The following RECQL4 variants were observed in gnomAD, a reference collection of about 807,000 sequenced individuals.
The protein encoded by RECQL4 is RecQ like helicase 4.
A neutral mutation model predicts 128.6 loss-of-function variants in RECQL4; 158 were observed. That is an observed-to-expected ratio of 1.23 (90% CI 1.08 to 1.40). RECQL4 has a LOEUF of 1.40. Among genes scored for constraint, RECQL4 ranks in the 40% most tolerant of loss-of-function variants. RECQL4 has a pLI of 0.00. For synonymous variants in RECQL4, 996 were observed against 678.9 expected (o/e 1.47, Z -7.26); for missense variants, 2,293 against 1,649.8 (o/e 1.39, Z -6.75).
At position 144,511,678 on chromosome 8, in the gene RECQL4, C is replaced by T. The variant is rs751909716; in HGVS notation, c.3502+3G>A. ...GCAGCGGGTGGGGCCTCCCAGGCCTCACCGATGCCGTGGAAGATGCGGGCC... is the reference window on the plus strand; with the variant it reads ...GCAGCGGGTGGGGCCTCCCAGGCCTTACCGATGCCGTGGAAGATGCGGGCC... On this transcript the variant is annotated splice_donor_region_variant and intron_variant, in intron 20 of 20. Transcript: ENST00000617875. The T allele has an allele frequency of 2.5e-6, 4 of 1,612,258 alleles. No homozygotes were observed. The African/African-American group carries it at 4.0e-5, about 16-fold the overall frequency.
In RECQL4 at chr8:144,516,675, G is replaced by A. The variant is rs559167672; in HGVS notation, c.444C>T (p.Val148=). 190 of 1,591,116 alleles carry A rather than the reference G, an allele frequency of 1.2e-4. 1 individual carries two copies. Among genetic ancestry groups the A allele is most frequent in the South Asian group, 1.0e-3 (88 of 87,738 alleles). ...STPKPPGTGP[V]PSFAEKVSDE... ...CACTGACTTTTTCTGCAAAGGAGGGGACAGGCCCTGTACCTGGGGGCTTTG... is the reference window on the plus strand; with the variant it reads ...CACTGACTTTTTCTGCAAAGGAGGGAACAGGCCCTGTACCTGGGGGCTTTG... Residue 148 remains valine, a synonymous_variant, in exon 5 of 21, where the codon GTC becomes GTT. Coordinates refer to ENST00000617875, the MANE Select transcript of RECQL4 (RefSeq NM_004260.4).
In RECQL4 at chr8:144,516,016, G is replaced by A. The variant is rs1564805178; in HGVS notation, c.1103C>T (p.Ala368Val). ...CTTGCGGAGGAGCCTGCTACGGAGT[G>A]CCCGGCCCCGCACGTAGTGTTTCTG... is the stretch of plus-strand genomic sequence containing the variant. ...MKQKHYVRGR[A>V]LRSRLLRKQA... is the part of the protein sequence containing the mutation. Residue 368 changes from alanine to valine, a missense_variant, in exon 5 of 21, where the codon GCA (alanine) becomes GTA (valine). Coordinates refer to ENST00000617875, the MANE Select transcript of RECQL4 (RefSeq NM_004260.4). 1.2e-6 allele frequency: 2 copies of A among 1,610,334 alleles called. No individual in the cohort carries two copies. Among genetic ancestry groups the A allele is most frequent in the Non-Finnish European group, 8.5e-7 (1 of 1,177,968 alleles).
At chr8:144,515,737 A>G (rs2130711580) in intron 6 of RECQL4, 27 bp downstream of exon 6, 2 of 1,610,196 alleles carry the variant, frequency 1.2e-6, no homozygotes, top group South Asian at 1.1e-5. Context: ...TGTTGGCCGG[A>G]CCCACCCTCC....
At chr8:144,512,349 G>A (rs903820228) in intron 17 of RECQL4, 25 bp from the exon 18 acceptor site, 5 of 1,611,222 alleles carry the variant, frequency 3.1e-6, no homozygotes, top group East Asian at 2.2e-5. Context: ...GTCAGATGCA[G>A]GCAGGCAGCG....
In RECQL4 at chr8:144,511,558, A is replaced by ACGGTGGAGCCAAGACACAGC. The variant is rs1287981034; in HGVS notation, c.3503-23_3503-4dup. On this transcript the variant is annotated splice_polypyrimidine_tract_variant and splice_region_variant and intron_variant, in intron 20 of 20. Coordinates refer to ENST00000617875, the MANE Select transcript of RECQL4 (RefSeq NM_004260.4). The stretch of plus-strand genomic sequence containing the variant: ...CTGGGCCGGGTAGCAGGGGCTTCCT[A>ACGGTGGAGCCAAGACACAGC]CGGTGGAGCCAAGACACAGCCGTGA... 16 of 1,611,854 alleles carry ACGGTGGAGCCAAGACACAGC rather than the reference A, an allele frequency of 9.9e-6. No homozygotes were observed. The highest frequency in any genetic ancestry group is 1.4e-5 in the Non-Finnish European group (16 of 1,179,368).
Position 144,515,989 on chromosome 8 carries a change from T to G in RECQL4, c.1130A>C (p.Gln377Pro). ...TGTCCTGGCCCGTCGCTGTCTTACC[T>G]GCTTGCGGAGGAGCCTGCTACGGAG... ...RALRSRLLRK[Q>P]AWKQKWRKKG... Residue 377 changes from glutamine (Q) to proline (P), a missense_variant and splice_region_variant, in exon 5 of 21, where the codon CAG (glutamine) becomes CCG (proline). Gln to Pro is a moderately conservative substitution (Grantham distance 76). Transcript: ENST00000617875. 1 of 1,609,634 alleles carries G rather than the reference T, an allele frequency of 6.2e-7. No individual in the cohort carries two copies. Among genetic ancestry groups the G allele is most frequent in the Non-Finnish European group, 8.5e-7 (1 of 1,177,334 alleles).
Position 144,512,297 on chromosome 8 carries a change from A to G in RECQL4, c.3083T>C (p.Val1028Ala), listed in dbSNP as rs952414985. Reference protein sequence around the residue: ...TGVRRGTGVLVEFSELAFHLR... With the variant: ...TGVRRGTGVLAEFSELAFHLR... ...GTGGAAGGCCAGCTCACTGAACTCCACAAGCACCCCTGTCCCACGCCGCAC... is the reference window on the plus strand; with the variant it reads ...GTGGAAGGCCAGCTCACTGAACTCCGCAAGCACCCCTGTCCCACGCCGCAC... Residue 1028 changes from valine to alanine, a missense_variant, in exon 18 of 21, where the codon GTG (valine) becomes GCG (alanine). Coordinates refer to ENST00000617875, the MANE Select transcript of RECQL4 (RefSeq NM_004260.4). The G allele has an allele frequency of 5.6e-6, 9 of 1,612,486 alleles. No homozygotes were observed. Among genetic ancestry groups the G allele is most frequent in the African/African-American group, 1.3e-5 (1 of 75,056 alleles).
rs747019774 is a variant in RECQL4 at position 144,514,994 on chromosome 8, C to T, written c.1562G>A (p.Arg521Gln). The T allele has an allele frequency of 6.8e-6, 11 of 1,611,486 alleles. No individual in the cohort carries two copies. Among genetic ancestry groups the T allele is most frequent in the Admixed American group, 1.7e-5 (1 of 59,854 alleles). ...GACCAACGTGAGGCAGGGGCTGCGC[C>T]GGCTGTAGAGCAGCGCTGGGAGCTG... ...CYQLPALLYS[R>Q]RSPCLTLVVS... is the part of the protein sequence containing the mutation. The change falls in exon 9 of 21, where the codon CGG (arginine) becomes CAG (glutamine). Residue 521 changes from arginine (R) to glutamine (Q), a missense_variant. Transcript: ENST00000617875.
chr8:144,513,626 C>T lies in RECQL4; in HGVS notation c.2145G>A (p.Arg715=), dbSNP rs985838873. 1 of 1,600,832 alleles carries T rather than the reference C, an allele frequency of 6.2e-7. No individual in the cohort carries two copies. The highest frequency in any genetic ancestry group is 8.5e-7 in the Non-Finnish European group (1 of 1,174,314). Residue 715 remains arginine, a synonymous_variant, in exon 13 of 21, where the codon CGG becomes CGA. Transcript: ENST00000617875. ...IYCNRREDTE[R]IAALLRTCLH... is the part of the protein sequence containing the mutation. ...GGCAGGTTCGGAGGAGCGCAGCGAT[C>T]CGCTCTGTGTCCTCGCGCCGGTTGC... is the stretch of plus-strand genomic sequence containing the variant.
rs1815285101 is a variant in RECQL4, at chr8:144,517,271, G to A, written c.214-81C>T. Reference sequence around the variant, plus strand: ...CTCCCAGCCACCCCTCCCGCACCTGGAGCGAGGCCCGGCCCTTCTTCACTT... The same window carrying A: ...CTCCCAGCCACCCCTCCCGCACCTGAAGCGAGGCCCGGCCCTTCTTCACTT... On this transcript the variant is annotated intron_variant, in intron 3 of 20. Transcript: ENST00000617875. 4 of 1,517,488 alleles carry A rather than the reference G, an allele frequency of 2.6e-6. No individual in the cohort carries two copies. In the South Asian group the frequency reaches 3.6e-5, roughly 14 times the overall value. The allele number at this position is 1,517,488 out of a possible 1,614,324, so 94.0% of individuals were successfully genotyped here.
Position 144,512,880 on chromosome 8 carries a change from G to C in RECQL4, c.2722C>G (p.Leu908Val). Residue 908 changes from leucine (L) to valine (V), a missense_variant, in exon 15 of 21, where the codon CTT becomes GTT. Physicochemically the swap from Leu to Val is conservative, Grantham distance 32. Transcript: ENST00000617875. ...GGCATGTCCAAAGCCTGTACGGTAA[G>C]CTGTATTGGGAGTGCCCGCTCATGG... ...MGHERALPIQ[L>V]TVQALDMPEE... is the part of the protein sequence containing the mutation. 6.3e-7 allele frequency: 1 copy of C among 1,596,860 alleles called. No individual in the cohort carries two copies. Among genetic ancestry groups the C allele is most frequent in the Non-Finnish European group, 8.5e-7 (1 of 1,171,856 alleles).
In RECQL4 at chr8:144,517,466, T is replaced by TGGCCC. The variant is rs1815355672; in HGVS notation, c.156_160dup (p.Gln54ArgfsTer31). ...GGAGCTGCGGAGCCCGCCGCCGGCC[T>TGGCCC]GGCCCGTGGTACGCTTCAGAGTGCG... On this transcript the variant is annotated frameshift_variant, in exon 3 of 21. Coordinates refer to ENST00000617875, the MANE Select transcript of RECQL4 (RefSeq NM_004260.4). LOFTEE classifies it high-confidence loss of function. The TGGCCC allele has an allele frequency of 6.3e-7, 1 of 1,596,194 alleles. No individual in the cohort carries two copies. The highest frequency in any genetic ancestry group is 8.5e-7 in the Non-Finnish European group (1 of 1,175,958).
At position 144,513,350 on chromosome 8, in the gene RECQL4, C is replaced by T. The variant is rs1391751255; in HGVS notation, c.2331G>A (p.Gly777=). ...VVVATVAFGM[G]LDRPDVRAVL... is the part of the protein sequence containing the mutation. ...CAGCCCGCACATCTGGCCGGTCCAG[C>T]CCCATCCCAAAGGCCACCGTGGCCA... Residue 777 remains glycine, a synonymous_variant, in exon 14 of 21, where the codon GGG becomes GGA. Transcript: ENST00000617875. The T allele has an allele frequency of 4.4e-6, 7 of 1,605,412 alleles. No individual in the cohort carries two copies. In the Admixed American group the frequency reaches 5.0e-5, roughly 11 times the overall value.
chr8:144,516,717 T>C lies in RECQL4; in HGVS notation c.402A>G (p.Ser134=), dbSNP rs772302267. Residue 134 remains serine, a synonymous_variant, in exon 5 of 21, where the codon TCA becomes TCG. Transcript: ENST00000617875. ...GRRPWPLGRA[S]SKASTPKPPG... ...GGGGCTTTGGGGTGGATGCCTTAGA[T>C]GAGGCTCTTCCTAGAGGCCACGGTC... 10 of 1,542,736 alleles carry C rather than the reference T, an allele frequency of 6.5e-6. No homozygotes were observed. In the South Asian group the frequency reaches 1.3e-4, roughly 20 times the overall value.
Position 144,513,618 on chromosome 8 carries a change from G to A in RECQL4, c.2153C>T (p.Ala718Val), listed in dbSNP as rs769675968. ...NRREDTERIA[A>V]LLRTCLHAAW... is the part of the protein sequence containing the mutation. ...TGCGTGCAGGCAGGTTCGGAGGAGC[G>A]CAGCGATCCGCTCTGTGTCCTCGCG... Residue 718 changes from alanine (A) to valine (V), a missense_variant, in exon 13 of 21, where the codon GCG becomes GTG. Ala to Val is a moderately conservative substitution (Grantham distance 64). Transcript: ENST00000617875. 37 of 1,602,090 alleles carry A rather than the reference G, an allele frequency of 2.3e-5. No individual in the cohort carries two copies. Among genetic ancestry groups the A allele is most frequent in the African/African-American group, 6.7e-5 (5 of 74,742 alleles).
At chr8:144,514,694 G>C (rs879083772) in intron 9 of RECQL4, among the ~76,000 whole-genome samples, 169 bp from the exon 10 acceptor site, 1 of 152,102 alleles carries the variant, frequency 6.6e-6, no homozygotes, top group African/African-American at 2.4e-5. Context: ...TGGCCCAGGA[G>C]CCCCAGAGCA....
Position 144,511,745 on chromosome 8 carries a change from G to A in RECQL4, c.3438C>T (p.Phe1146=), listed in dbSNP as rs1554895855. Residue 1146 remains phenylalanine (F), a synonymous_variant, in exon 20 of 21, where the codon TTC becomes TTT. Coordinates refer to ENST00000617875, the MANE Select transcript of RECQL4 (RefSeq NM_004260.4). ...EDQVRCDIRQ[F]LSLRPEEKFS... Reference sequence around the variant, plus strand: ...ACTTCTCCTCTGGCCTCAGGGACAGGAACTGGCGGATGTCGCAGCGGACCT... The same window carrying A: ...ACTTCTCCTCTGGCCTCAGGGACAGAAACTGGCGGATGTCGCAGCGGACCT... 5 of 1,612,592 alleles carry A rather than the reference G, an allele frequency of 3.1e-6. No homozygotes were observed. The highest frequency in any genetic ancestry group is 4.2e-6 in the Non-Finnish European group (5 of 1,179,828).
chr8:144,517,747 G>A lies in RECQL4; in HGVS notation c.38C>T (p.Ala13Val), dbSNP rs1489214833. ...CTGCCGTCGGAACGCGCGCTCCCAC[G>A]CCTGCAGCCGCTCCCGCACGTCCCG... is the stretch of plus-strand genomic sequence containing the variant. Reference protein sequence around the residue: ...RLRDVRERLQAWERAFRRQRG... With the variant: ...RLRDVRERLQVWERAFRRQRG... The change falls in exon 1 of 21, where the codon GCG becomes GTG. Residue 13 changes from alanine (A) to valine (V), a missense_variant. Coordinates refer to ENST00000617875, the MANE Select transcript of RECQL4 (RefSeq NM_004260.4). 1.1e-5 allele frequency: 15 copies of A among 1,329,502 alleles called. No individual in the cohort carries two copies. Among genetic ancestry groups the A allele is most frequent in the South Asian group, 1.9e-5 (1 of 53,318 alleles). The allele number at this position is 1,329,502 out of a possible 1,614,324, so 82.4% of individuals were successfully genotyped here. A position where few individuals can be genotyped will look rare whatever the true frequency, so the allele number is the denominator to read the frequency against.
rs759235313 is a variant in RECQL4 at position 144,513,991 on chromosome 8, G to C, written c.1995C>G (p.His665Gln). ...HLAVAEEPDL[H>Q]GPAPVPTNLH... ...GGTTGGTGGGAACTGGGGCTGGCCC[G>C]TGGAGGTCAGGCTCTTCAGCCACAG... is the stretch of plus-strand genomic sequence containing the variant. Residue 665 changes from histidine to glutamine, a missense_variant, in exon 12 of 21, where the codon CAC becomes CAG. His to Gln is a conservative substitution (Grantham distance 24). Coordinates refer to ENST00000617875, the MANE Select transcript of RECQL4 (RefSeq NM_004260.4). 6 of 1,567,056 alleles carry C rather than the reference G, an allele frequency of 3.8e-6. No individual in the cohort carries two copies. The highest frequency in any genetic ancestry group is 5.2e-6 in the Non-Finnish European group (6 of 1,156,692).
Sources: allele counts gnomAD v4.1 joint callset (sites outside exome capture counted in the v4.1 genomes callset), GRCh38; gene constraint gnomAD v4.1.1; transcripts MANE v1.5; gene names NCBI Gene and HGNC (gene_info 2026-07-23, HGNC 2026-07-21).